The following PI4KA variants were observed in gnomAD, a reference collection of about 807,000 sequenced individuals.
The protein encoded by PI4KA is phosphatidylinositol 4-kinase alpha.
PI4KA carries 122 observed loss-of-function variants against 271.4 expected under a neutral mutation model. The ratio of observed to expected loss-of-function variants is 0.45; its 90% CI spans 0.39 to 0.52. The LOEUF is 0.52. Ranked by LOEUF, PI4KA falls within the 20% of genes least tolerant of loss-of-function variation. The probability of loss-of-function intolerance (pLI) is 0.00; values close to 1 mark genes in which losing one functional copy is unlikely to be tolerated. For missense variants in PI4KA, 1,969 were observed against 2,769.1 expected, an observed-to-expected ratio of 0.71 and a Z score of 6.48; for synonymous variants, 1,041 against 1,078.8, an observed-to-expected ratio of 0.96 and a Z score of 0.69.
chr22:20,768,446 C>T (rs1013480816), intron 19 of PI4KA, among the ~76,000 whole-genome samples: 4 of 151,960 alleles, frequency 2.6e-5, no homozygotes, highest in Admixed American at 1.3e-4. Context: ...AAATCCAAAA[C>T]GTATAAATAA....
intron 19 of PI4KA, among the ~76,000 whole-genome samples, chr22:20,790,695 A>AC (rs1934573263): frequency 1.1e-5 from 1 of 92,476 alleles, no homozygotes; most frequent in South Asian, 3.6e-4. Flanking sequence ...ATTTAAAAAA[A>AC]ACAAACACAC....
At chr22:20,824,779 C>A (rs951945358) in intron 3 of PI4KA, among the ~76,000 whole-genome samples, 45 of 124,474 alleles carry the variant, frequency 3.6e-4, no homozygotes, top group African/African-American at 7.7e-4. Flanking sequence ...CACACACACA[C>A]AAAACACTCG....
chr22:20,824,732 TCACACACACACACACACACA>T (rs361914), intron 3 of PI4KA, among the ~76,000 whole-genome samples: 86 of 136,292 alleles, frequency 6.3e-4, no homozygotes, highest in Admixed American at 8.9e-4. Flanking sequence ...ATGTGATAAA[TCACACACACACACACACACA>T]CACACACACA....
At chr22:20,767,155 T>TA (rs1049188335) in intron 19 of PI4KA, among the ~76,000 whole-genome samples, 2 of 152,114 alleles carry the variant, frequency 1.3e-5, no homozygotes, top group Non-Finnish European at 2.9e-5. Context: ...AAAAGTATAA[T>TA]AAATTGGCCG....
At chr22:20,725,959 C>A (rs546944174) in intron 42 of PI4KA, among the ~76,000 whole-genome samples, 2 of 151,174 alleles carry the variant, frequency 1.3e-5, no homozygotes, top group Non-Finnish European at 2.9e-5. Flanking sequence ...AAGGAAACAA[C>A]CCTGTTCGAA....
At chr22:20,728,114 G>A (rs1439539342) in intron 39 of PI4KA, among the ~76,000 whole-genome samples, 1 of 152,180 alleles carries the variant, frequency 6.6e-6, no homozygotes, top group Non-Finnish European at 1.5e-5. Context: ...TAACTGGATT[G>A]TTTGTAACTC....
Position 20,764,798 on chromosome 22 carries a change from G to C in PI4KA, c.2708+19C>G. 1 of 1,599,442 alleles carries C rather than the reference G, an allele frequency of 6.3e-7. No individual in the cohort carries two copies. ...TCAAATGTGGATGTGCATGTGCATG[G>C]TGGTGAAGGCACGTGTACCTCATGT... is the stretch of plus-strand genomic sequence containing the variant. On this transcript the variant is annotated intron_variant, in intron 22 of 54. Transcript: ENST00000255882.
chr22:20,770,902 G>A (rs1932844477), intron 19 of PI4KA, among the ~76,000 whole-genome samples: 1 of 152,158 alleles, frequency 6.6e-6, no homozygotes. Context: ...GGAAAAGTCT[G>A]GATGAGGTAG....
rs1374496715 is a variant in PI4KA at position 20,801,955 on chromosome 22, A to T, written c.1724+18T>A. 1 of 1,613,588 alleles carries T rather than the reference A, an allele frequency of 6.2e-7. No individual in the cohort carries two copies. The highest frequency in any genetic ancestry group is 8.5e-7 in the Non-Finnish European group (1 of 1,179,714). ...TCTGGAGCACTGCTGTCTACTCGCC[A>T]CTTGCCCAGCTTCCCACCTGCAGAT... On this transcript the variant is annotated intron_variant, in intron 14 of 54. Coordinates refer to ENST00000255882, the MANE Select transcript of PI4KA (RefSeq NM_058004.4).
At chr22:20,787,010 C>T in intron 19 of PI4KA, 1 of 1,614,132 alleles carries the variant, frequency 6.2e-7, no homozygotes, top group Non-Finnish European at 8.5e-7. Context: ...CATCTACGAG[C>T]ATCGCACCAG....
intron 29 of PI4KA, among the ~76,000 whole-genome samples, chr22:20,746,976 T>G (rs555438831): frequency 3.9e-5 from 6 of 152,134 alleles, no homozygotes; most frequent in Non-Finnish European, 5.9e-5. Context: ...TTGGAGAGAG[T>G]TGGGAAGCAC....
At chr22:20,736,885 T>C (rs1464677317) in intron 32 of PI4KA, 1 of 153,184 alleles carries the variant, frequency 6.5e-6, no homozygotes, top group Non-Finnish European at 1.5e-5. Context: ...GAGAGGGACC[T>C]CGCTGACATC....
At chr22:20,752,776 CTTAG>C in intron 25 of PI4KA, 123 bp downstream of exon 25, 1 of 980,000 alleles carries the variant, frequency 1.0e-6, no homozygotes, top group Non-Finnish European at 1.6e-6. Flanking sequence ...CTGCATCACC[CTTAG>C]GAGTTTTCAT....
intron 19 of PI4KA, among the ~76,000 whole-genome samples, chr22:20,769,184 G>GT (rs892989024): frequency 1.3e-5 from 2 of 152,330 alleles, no homozygotes; most frequent in Non-Finnish European, 2.9e-5. Context: ...AAAAGAGGAA[G>GT]TAAGTGGACT....
Position 20,761,350 on chromosome 22 carries a change from T to C in PI4KA, c.2745A>G (p.Val915=), listed in dbSNP as rs1377043040. The C allele has an allele frequency of 1.9e-6, 3 of 1,612,416 alleles. No individual in the cohort carries two copies. Among genetic ancestry groups the C allele is most frequent in the East Asian group, 2.2e-5 (1 of 44,876 alleles). ...LRSTDPDRFQ[V]MFCYFEDKAI... ...CTTTATCCTCAAAGTAGCAGAACATTACCTGGAAGCGATCAGGATCTGTTG... is the reference window on the plus strand; with the variant it reads ...CTTTATCCTCAAAGTAGCAGAACATCACCTGGAAGCGATCAGGATCTGTTG... Residue 915 remains valine, a synonymous_variant, in exon 23 of 55, where the codon GTA becomes GTG. Coordinates refer to ENST00000255882, the MANE Select transcript of PI4KA (RefSeq NM_058004.4).
chr22:20,727,213 C>G lies in PI4KA; in HGVS notation c.4941+17G>C, dbSNP rs1174007471. On this transcript the variant is annotated intron_variant, in intron 41 of 54. Transcript: ENST00000255882. ...ACAGTCCTACCAGAGGCCAGCTCAG[C>G]AGGGCCCTGGGCTCACCGGAGGGAA... 6.2e-7 allele frequency: 1 copy of G among 1,604,208 alleles called. No homozygotes were observed. The highest frequency in any genetic ancestry group is 8.5e-7 in the Non-Finnish European group (1 of 1,177,096).
rs373571556 is a variant in PI4KA at position 20,744,052 on chromosome 22, T to TCAAAAA, written c.3456+570_3456+575dup. ...CTGGGCAACAGAACGAGACTCTGTC[T>TCAAAAA]CAAAAACAAAAACAAAAACAAACAA... On this transcript the variant is annotated intron_variant, in intron 30 of 54. Transcript: ENST00000255882. Among the ~76,000 whole-genome samples, 4 of 152,066 alleles carry TCAAAAA rather than the reference T, an allele frequency of 2.6e-5. No homozygotes were observed. The South Asian group carries it at 6.2e-4, about 24-fold the overall frequency.
In PI4KA at chr22:20,796,251, G is replaced by T. The variant is rs748916585; in HGVS notation, c.2172C>A (p.His724Gln). The change falls in exon 18 of 55, where the codon CAC becomes CAA. Residue 724 changes from histidine to glutamine, a missense_variant. By Grantham distance (24) the His-to-Gln change is conservative. Transcript: ENST00000255882. ...ANIAANIQDE[H>Q]LVDELLMNLL... ...GGTTCATGAGCAGCTCATCCACCAG[G>T]TGCTCGTCTTGGATGTTGGCCGCGA... 6.2e-7 allele frequency: 1 copy of T among 1,614,100 alleles called. No individual in the cohort carries two copies. The highest frequency in any genetic ancestry group is 2.2e-5 in the East Asian group (1 of 44,872).
intron 19 of PI4KA, among the ~76,000 whole-genome samples, chr22:20,784,688 G>A (rs1934066356): frequency 6.6e-6 from 1 of 152,154 alleles, no homozygotes; most frequent in South Asian, 2.1e-4. Flanking sequence ...GAAATTCCAA[G>A]GTCCTCTTAG....
Sources: gnomAD v4.1 joint callset for allele counts (sites outside exome capture counted in the v4.1 genomes callset) on GRCh38, gnomAD v4.1.1 for gene constraint, MANE v1.5 for transcripts, NCBI Gene and HGNC (gene_info 2026-07-23, HGNC 2026-07-21) for gene names.